The following CYFIP2 variants were observed in gnomAD, a reference collection of about 807,000 sequenced individuals.
CYFIP2 encodes cytoplasmic FMR1-interacting protein 2.
Under a neutral mutation model 158.7 loss-of-function variants are expected in CYFIP2, and 29 were observed. The observed-to-expected ratio is 0.18, with a 90% CI of 0.14 to 0.25. CYFIP2 has a LOEUF of 0.25. Among genes scored for constraint, CYFIP2 ranks in the 10% least tolerant of loss-of-function variants. CYFIP2 has a pLI of 1.00. For missense variants in CYFIP2, 852 were observed against 1,639.5 expected (o/e 0.52, Z 8.29); for synonymous variants, 585 against 617.6 (o/e 0.95, Z 0.78).
chr5:157,393,610 A>C lies in CYFIP2; in HGVS notation c.*610A>C, dbSNP rs1299960080. 6.6e-6 allele frequency: 1 copy of C among 152,366 alleles called. No individual in the cohort carries two copies. The highest frequency in any genetic ancestry group is 1.5e-5 in the Non-Finnish European group (1 of 68,274). 9.4% of individuals were successfully genotyped at this position (152,366 alleles called of 1,614,324 possible). ...CAGGGAAGCCCTAGAGAGAGGTCCA[A>C]AAAGCATTCACAGCTGTATCACACT... is the stretch of plus-strand genomic sequence containing the variant. On this transcript the variant is annotated 3_prime_UTR_variant, in exon 31 of 31. Coordinates refer to ENST00000620254, the MANE Select transcript of CYFIP2 (RefSeq NM_001037333.3).
intron 26 of CYFIP2, chr5:157,363,364 T>G (rs1764025033): frequency 6.6e-6 from 1 of 152,226 alleles, no homozygotes; most frequent in Non-Finnish European, 1.5e-5. Flanking sequence ...TTCTAGGTTG[T>G]GGATAAATGG....
intron 16 of CYFIP2, among the ~76,000 whole-genome samples, chr5:157,325,073 C>T (rs1760913030): frequency 6.6e-6 from 1 of 152,138 alleles, no homozygotes; most frequent in Non-Finnish European, 1.5e-5. Context: ...CTCCTGACCT[C>T]AAGTGATCTG....
At chr5:157,367,786 A>G (rs1216426532) in intron 26 of CYFIP2, among the ~76,000 whole-genome samples, 1 of 123,292 alleles carries the variant, frequency 8.1e-6, no homozygotes. Flanking sequence ...ACAGAGTCTC[A>G]CTCTGTTGCC....
chr5:157,287,610 C>G (rs1757494969), intron 3 of CYFIP2, among the ~76,000 whole-genome samples: 1 of 152,332 alleles, frequency 6.6e-6, no homozygotes, highest in African/African-American at 2.4e-5. Context: ...CTCCCCTTCT[C>G]TGTTGGGCTT....
chr5:157,305,699 G>C (rs373717356), intron 8 of CYFIP2, among the ~76,000 whole-genome samples: 8 of 152,104 alleles, frequency 5.3e-5, no homozygotes, highest in African/African-American at 1.9e-4. Context: ...ATTTTTTGTA[G>C]AGTCAAGGTC....
intron 23 of CYFIP2, among the ~76,000 whole-genome samples, chr5:157,352,049 T>C (rs557625822): frequency 4.7e-4 from 71 of 152,350 alleles, no homozygotes; most frequent in African/African-American, 1.6e-3. Flanking sequence ...TCAAAATTAA[T>C]ATATGAATCA....
chr5:157,382,236 G>A (rs745563950), intron 26 of CYFIP2, among the ~76,000 whole-genome samples: 1 of 152,102 alleles, frequency 6.6e-6, no homozygotes, highest in Non-Finnish European at 1.5e-5. Flanking sequence ...CACAGACTGA[G>A]GCCCATCATA....
chr5:157,275,917 T>A (rs1448170393), intron 1 of CYFIP2, among the ~76,000 whole-genome samples: 1 of 152,220 alleles, frequency 6.6e-6, no homozygotes, highest in Non-Finnish European at 1.5e-5. Flanking sequence ...CTACTATAAA[T>A]AGAACTGTTT....
chr5:157,298,880 G>A (rs1758475365), intron 5 of CYFIP2, among the ~76,000 whole-genome samples: 1 of 152,190 alleles, frequency 6.6e-6, no homozygotes. Context: ...GCTCATCCAT[G>A]TTACAGCGTG....
At position 157,323,930 on chromosome 5, in the gene CYFIP2, G is replaced by A; in HGVS notation, c.1681G>A (p.Val561Met). Residue 561 changes from valine to methionine, a missense_variant, in exon 16 of 31, where the codon GTG becomes ATG. Val to Met is a conservative substitution (Grantham distance 21, BLOSUM62 1). Around this residue, in one of 8 missense-constraint regions of CYFIP2, gnomAD observed 167 missense variants for 343.3 expected, o/e 0.49. Coordinates refer to ENST00000620254, the MANE Select transcript of CYFIP2 (RefSeq NM_001037333.3). The part of the protein sequence containing the change: ...VGPSSTQLYM[V>M]RTMLESLIAD... ...TGCTTTCTTTTTCAAGCTGTACATG[G>A]TGCGGACCATGCTTGAATCACTCAT... 1 of 1,586,702 alleles carries A rather than the reference G, an allele frequency of 6.3e-7. No individual in the cohort carries two copies. The highest frequency in any genetic ancestry group is 8.6e-7 in the Non-Finnish European group (1 of 1,165,286).
intron 26 of CYFIP2, among the ~76,000 whole-genome samples, chr5:157,379,608 C>G (rs933426462): frequency 3.1e-5 from 4 of 130,430 alleles, no homozygotes; most frequent in African/African-American, 1.2e-4. Flanking sequence ...AAGGTCAAGA[C>G]TAGTGAGCCA....
At chr5:157,388,798 T>C (rs1766960821) in intron 28 of CYFIP2, among the ~76,000 whole-genome samples, 1 of 152,188 alleles carries the variant, frequency 6.6e-6, no homozygotes, top group East Asian at 1.9e-4. Flanking sequence ...ACTCAATACC[T>C]ATCAAGTGCT....
intron 21 of CYFIP2, among the ~76,000 whole-genome samples, chr5:157,338,650 T>C (rs948659405): frequency 6.6e-6 from 1 of 152,202 alleles, no homozygotes; most frequent in African/African-American, 2.4e-5. Context: ...ACAAGTAACG[T>C]CATAGGGTTC....
chr5:157,309,298 A>T (rs1300421668), intron 9 of CYFIP2, among the ~76,000 whole-genome samples: 3 of 152,150 alleles, frequency 2.0e-5, no homozygotes, highest in Non-Finnish European at 4.4e-5. Context: ...GTTAGGTATT[A>T]TTACGGTTTT....
In CYFIP2 at chr5:157,361,248, CGTGTGTGTGT is replaced by C. The variant is rs1763801351; in HGVS notation, c.2909-219_2909-210del. Among the ~76,000 whole-genome samples the C allele has an allele frequency of 6.6e-6, 1 of 151,798 alleles. No homozygotes were observed. Among genetic ancestry groups the C allele is most frequent in the Admixed American group, 6.6e-5 (1 of 15,222 alleles). The stretch of plus-strand genomic sequence containing the variant: ...GTTTGTGTGTGTGTGCATGTGTGTG[CGTGTGTGTGT>C]TCTGAAAAAGACATGAGCCAGCTAC... On this transcript the variant is annotated intron_variant, in intron 25 of 30. Coordinates refer to ENST00000620254, the MANE Select transcript of CYFIP2 (RefSeq NM_001037333.3). The surrounding 1 kb of genome is among the most constrained non-coding windows in gnomAD (Gnocchi z 4.4).
rs760249068 is a variant in CYFIP2, at chr5:157,311,761, G to T, written c.1090G>T (p.Ala364Ser). The T allele has an allele frequency of 1.9e-6, 3 of 1,598,252 alleles. No individual in the cohort carries two copies. Among genetic ancestry groups the T allele is most frequent in the Admixed American group, 1.7e-5 (1 of 57,400 alleles). ...DDHIRFISEL[A>S]RYSNSEVVTG... The stretch of plus-strand genomic sequence containing the variant: ...CCACATCCGCTTCATCTCCGAGCTC[G>T]CTCGCTACAGCAACAGTGAGGTGAG... Residue 364 changes from alanine (A) to serine (S), a missense_variant, in exon 11 of 31, where the codon GCT (alanine) becomes TCT (serine). Physicochemically the swap from Ala to Ser is moderately conservative, Grantham distance 99 (BLOSUM62 1). Coordinates refer to ENST00000620254, the MANE Select transcript of CYFIP2 (RefSeq NM_001037333.3). The surrounding 1 kb of genome is among the most constrained non-coding windows in gnomAD (Gnocchi z 4.7).
At chr5:157,278,557 C>T (rs914455222) in intron 1 of CYFIP2, among the ~76,000 whole-genome samples, 31 of 152,300 alleles carry the variant, frequency 2.0e-4, no homozygotes, top group South Asian at 6.2e-4. Context: ...TTCTCCATAA[C>T]ACAGTGTCCT....
rs1277301388 is a variant in CYFIP2, at chr5:157,304,280, C to T, written c.709C>T (p.Leu237=). The change falls in exon 8 of 31, where the codon CTG becomes TTG. Residue 237 remains leucine (L), a synonymous_variant. Transcript: ENST00000620254. ...QLEVIPGYEE[L]LADIVNICVD... ...TGAAGTGATCCCAGGCTATGAGGAG[C>T]TGCTGGCTGACATTGTCAACATCTG... 6.2e-7 allele frequency: 1 copy of T among 1,613,760 alleles called. No individual in the cohort carries two copies. The highest frequency in any genetic ancestry group is 1.3e-5 in the African/African-American group (1 of 75,044).
intron 8 of CYFIP2, 104 bp from the exon 9 acceptor site, chr5:157,307,645 GTGTGTGTGTGTA>G (rs1010609864): frequency 1.4e-4 from 83 of 606,208 alleles, no homozygotes; most frequent in African/African-American, 7.5e-4. Flanking sequence ...GGGTGTGTGT[GTGTGTGTGTGTA>G]TGTGTGTGTG....
Sources: allele counts gnomAD v4.1 joint callset (sites outside exome capture counted in the v4.1 genomes callset), GRCh38; gene constraint gnomAD v4.1.1; regional missense constraint gnomAD v4.1.1; non-coding constraint Gnocchi (gnomAD v3.1); transcripts MANE v1.5; gene names NCBI Gene and HGNC (gene_info 2026-07-23, HGNC 2026-07-21).